The following WASL variants were observed in gnomAD, a reference collection of about 807,000 sequenced individuals.
WASL encodes the protein actin nucleation-promoting factor WASL.
Under a neutral mutation model 55.5 loss-of-function variants are expected in WASL, and 20 were observed. The ratio of observed to expected loss-of-function variants is 0.36; its 90% CI spans 0.25 to 0.52. WASL has a LOEUF of 0.52. Ranked by LOEUF, WASL falls within the 20% of genes least tolerant of loss-of-function variation. The pLI, the probability that WASL is intolerant of heterozygous loss-of-function variation, is 0.92. For missense variants in WASL, 504 were observed against 622.5 expected (o/e 0.81, Z 2.03); for synonymous variants, 249 against 217.6 (o/e 1.14, Z -1.27).
chr7:123,695,938 AC>A, intron 6 of WASL, 73 bp from the exon 7 acceptor site: 1 of 1,452,480 alleles, frequency 6.9e-7, no homozygotes, highest in South Asian at 1.2e-5. Context: ...TATATATGAA[AC>A]CCAATCTACA....
chr7:123,712,649 TTAAAATG>T (rs1803777147), intron 1 of WASL, among the ~76,000 whole-genome samples: 1 of 152,324 alleles, frequency 6.6e-6, no homozygotes, highest in East Asian at 1.9e-4. Context: ...GAATGATTCA[TTAAAATG>T]TATGACCCTT....
At chr7:123,687,993 G>T (rs1803323484) in intron 10 of WASL, among the ~76,000 whole-genome samples, 1 of 152,132 alleles carries the variant, frequency 6.6e-6, no homozygotes, top group South Asian at 2.1e-4. Context: ...TATATGTTTT[G>T]TGAGTTCTCT....
chr7:123,708,888 T>C (rs1161969656), intron 2 of WASL, among the ~76,000 whole-genome samples: 2 of 151,570 alleles, frequency 1.3e-5, no homozygotes, highest in East Asian at 3.9e-4. Context: ...AATAGGAAAC[T>C]ATTCACATTC....
At chr7:123,738,757 C>T (rs1562966918) in intron 1 of WASL, among the ~76,000 whole-genome samples, 1 of 151,622 alleles carries the variant, frequency 6.6e-6, no homozygotes. Context: ...GGACTTAGTC[C>T]TTTTTTTTGC....
chr7:123,725,509 A>T (rs1026180664), intron 1 of WASL, among the ~76,000 whole-genome samples: 22 of 139,180 alleles, frequency 1.6e-4, no homozygotes, highest in East Asian at 4.0e-4. Flanking sequence ...GGTTATATTT[A>T]AAAAAAAACA....
chr7:123,689,228 T>G, intron 9 of WASL, 78 bp from the exon 10 acceptor site: 3 of 1,145,010 alleles, frequency 2.6e-6, no homozygotes, highest in Non-Finnish European at 3.9e-6. Context: ...CCTACTTTCT[T>G]AGAATCACTT....
At chr7:123,699,902 C>A (rs1178912483) in intron 5 of WASL, among the ~76,000 whole-genome samples, 1 of 152,016 alleles carries the variant, frequency 6.6e-6, no homozygotes, top group African/African-American at 2.4e-5. Context: ...TAAGGCCGGG[C>A]GCGGTGGCTC....
At chr7:123,728,567 C>A (rs147252548) in intron 1 of WASL, among the ~76,000 whole-genome samples, 2 of 152,114 alleles carry the variant, frequency 1.3e-5, no homozygotes, top group African/African-American at 4.8e-5. Context: ...GTCAGCCGGG[C>A]GCAGCGGCTC....
rs551378624 is a variant in WASL, at chr7:123,736,428, A to G, written c.117+12190T>C. Among the ~76,000 whole-genome samples the G allele has an allele frequency of 3.9e-5, 6 of 152,350 alleles. No homozygotes were observed. The South Asian group carries it at 8.3e-4, about 21-fold the overall frequency. The stretch of plus-strand genomic sequence containing the variant: ...TTCCCTTACTATTTAAATGTCTCTA[A>G]AAGATAACTGAATCTTTACAGCAAA... On this transcript the variant is annotated intron_variant, in intron 1 of 10. Transcript: ENST00000223023.
rs1803214552 is a variant in WASL at position 123,682,648 on chromosome 7, T to C, written c.*1871A>G. 2 of 152,156 alleles carry C rather than the reference T, an allele frequency of 1.3e-5. No homozygotes were observed. The highest frequency in any genetic ancestry group is 4.8e-5 in the African/African-American group (2 of 41,514). The allele number at this position is 152,156 out of a possible 1,614,324, so 9.4% of individuals were successfully genotyped here. ...GAAATTTAAAATGTTTTTTATATTG[T>C]CAAAAAGAAAAAATTTTTTCAATTA... On this transcript the variant is annotated 3_prime_UTR_variant, in exon 11 of 11. Transcript: ENST00000223023.
chr7:123,699,123 C>T (rs6960373), intron 5 of WASL, among the ~76,000 whole-genome samples: 69,496 of 152,044 alleles, frequency 0.46, 16,145 homozygotes, highest in South Asian at 0.66. Flanking sequence ...CAGTGGCTCA[C>T]GCCTGTAATC....
intron 10 of WASL, among the ~76,000 whole-genome samples, chr7:123,686,144 C>T (rs992426348): frequency 1.3e-5 from 2 of 151,476 alleles, no homozygotes; most frequent in African/African-American, 4.8e-5. Flanking sequence ...AGAGAAGCAA[C>T]ATTATCTTCT....
intron 9 of WASL, among the ~76,000 whole-genome samples, chr7:123,691,436 T>A (rs1803406227): frequency 2.0e-5 from 3 of 152,224 alleles, no homozygotes; most frequent in African/African-American, 4.8e-5. Context: ...TTTACATTTT[T>A]AAATGGCTGA....
At chr7:123,696,083 T>C (rs1803487557) in intron 6 of WASL, among the ~76,000 whole-genome samples, 1 of 152,064 alleles carries the variant, frequency 6.6e-6, no homozygotes, top group Non-Finnish European at 1.5e-5. Flanking sequence ...TTAAAATTTT[T>C]GTACAATCTC....
intron 1 of WASL, among the ~76,000 whole-genome samples, chr7:123,739,190 AG>A (rs1378369351): frequency 6.6e-6 from 1 of 152,164 alleles, no homozygotes; most frequent in East Asian, 1.9e-4. Context: ...CTTACTTTCT[AG>A]GGAATAAAGT....
Position 123,709,523 on chromosome 7 carries a change from A to T in WASL, c.118-300T>A, listed in dbSNP as rs185572435. 5.6e-3 allele frequency among the ~76,000 whole-genome samples: 858 copies of T among 152,252 alleles called. 19 individuals carry two copies. The highest frequency in any genetic ancestry group is 0.038 in the East Asian group (196 of 5,176). On this transcript the variant is annotated intron_variant, in intron 1 of 10. Transcript: ENST00000223023. The stretch of plus-strand genomic sequence containing the variant: ...ACTTTTAAATATAGCCTCATTTGTT[A>T]TTACTATGATAACTTCATTTTTTAC...
chr7:123,730,388 A>T (rs1804117263), intron 1 of WASL, among the ~76,000 whole-genome samples: 1 of 152,196 alleles, frequency 6.6e-6, no homozygotes, highest in Non-Finnish European at 1.5e-5. Flanking sequence ...GCTTTTAGAT[A>T]AATAAAATTA....
intron 1 of WASL, among the ~76,000 whole-genome samples, chr7:123,728,491 A>T (rs1804087707): frequency 6.6e-6 from 1 of 152,200 alleles, no homozygotes; most frequent in South Asian, 2.1e-4. Context: ...TGCTGATTCC[A>T]TAAATGTGTC....
chr7:123,704,079 A>G (rs777556097), intron 5 of WASL, among the ~76,000 whole-genome samples: 3 of 152,210 alleles, frequency 2.0e-5, no homozygotes, highest in Non-Finnish European at 2.9e-5. Context: ...AAATGAATTC[A>G]TAATACTTCA....
Sources: gnomAD v4.1 joint callset for allele counts (sites outside exome capture counted in the v4.1 genomes callset) on GRCh38, gnomAD v4.1.1 for gene constraint, MANE v1.5 for transcripts, NCBI Gene and HGNC (gene_info 2026-07-23, HGNC 2026-07-21) for gene names.